PCDH15: variants seen among roughly 807,000 people sequenced by gnomAD.
The protein encoded by PCDH15 is protocadherin related 15, also known as protocadherin-15.
Under a neutral mutation model 178.5 loss-of-function variants are expected in PCDH15, and 129 were observed. That is an observed-to-expected ratio of 0.72 (90% CI 0.63 to 0.84). The LOEUF is 0.84. Among genes scored for constraint, PCDH15 ranks in the 40% least tolerant of loss-of-function variants. The probability of loss-of-function intolerance (pLI) is 0.00; values close to 1 mark genes in which losing one functional copy is unlikely to be tolerated. For missense variants in PCDH15, 2,230 were observed against 2,099.9 expected (o/e 1.06, Z -1.21); for synonymous variants, 800 against 732.0 (o/e 1.09, Z -1.50).
chr10:53,972,352 T>C (rs12572981), intron 21 of PCDH15, among the ~76,000 whole-genome samples: 107,143 of 151,984 alleles, frequency 0.7, 38,148 homozygotes, highest in East Asian at 0.87. Flanking sequence ...AAAACCTAGG[T>C]AATACCATTC....
intron 1 of PCDH15, among the ~76,000 whole-genome samples, chr10:54,794,693 G>A (rs181403188): frequency 1.3e-5 from 2 of 151,864 alleles, no homozygotes; most frequent in East Asian, 3.9e-4. Context: ...TAAATGGATG[G>A]CATATTTAAA....
At chr10:55,345,222 C>A (rs761083931) in intron 2 of PCDH15, among the ~76,000 whole-genome samples, 9 of 150,806 alleles carry the variant, frequency 6.0e-5, no homozygotes, top group African/African-American at 2.0e-4. Flanking sequence ...AAAAAGTTGT[C>A]TTTTAATCAA....
At chr10:54,599,786 A>C (rs2092439121) in intron 2 of PCDH15, 1 of 541,670 alleles carries the variant, frequency 1.8e-6, no homozygotes, top group Admixed American at 2.7e-5. Flanking sequence ...CAAGCTGAAG[A>C]GGGAGGATCT....
At chr10:55,157,136 TC>T (rs1838911735) in intron 2 of PCDH15, among the ~76,000 whole-genome samples, 2 of 152,090 alleles carry the variant, frequency 1.3e-5, no homozygotes, top group Non-Finnish European at 2.9e-5. Flanking sequence ...TATCTATCTA[TC>T]TATCTATATA....
At chr10:54,900,742 C>T (rs1223944323) in intron 2 of PCDH15, among the ~76,000 whole-genome samples, 1 of 152,110 alleles carries the variant, frequency 6.6e-6, no homozygotes, top group Admixed American at 6.6e-5. Context: ...TGAATAGGAG[C>T]ATAGTGTGGA....
At chr10:54,606,106 T>A (rs912977382) in intron 2 of PCDH15, 1 of 152,136 alleles carries the variant, frequency 6.6e-6, no homozygotes, top group Non-Finnish European at 1.5e-5. Context: ...AGACCTCAGG[T>A]AGGAGCTAGA....
chr10:55,118,479 T>C (rs896992657), intron 2 of PCDH15, among the ~76,000 whole-genome samples: 3 of 152,154 alleles, frequency 2.0e-5, no homozygotes, highest in African/African-American at 4.8e-5. Context: ...TTTGACTGTA[T>C]ATTAAAATTT....
At chr10:54,661,517 A>G (rs550847665) in intron 2 of PCDH15, among the ~76,000 whole-genome samples, 4 of 151,984 alleles carry the variant, frequency 2.6e-5, no homozygotes, top group Admixed American at 2.0e-4. Flanking sequence ...CTATCATAGT[A>G]CCAAATTTAT....
At chr10:55,046,086 GTACTAAGCA>G (rs1840996684) in intron 2 of PCDH15, among the ~76,000 whole-genome samples, 1 of 151,968 alleles carries the variant, frequency 6.6e-6, no homozygotes, top group South Asian at 2.1e-4. Flanking sequence ...TATGTACTAT[GTACTAAGCA>G]TACAGAGGGA....
intron 2 of PCDH15, among the ~76,000 whole-genome samples, chr10:54,642,548 T>C (rs1357807492): frequency 6.6e-6 from 1 of 151,104 alleles, no homozygotes; most frequent in Admixed American, 6.6e-5. Context: ...AAAGACTAAA[T>C]AATTAAATGA....
At chr10:55,325,351 G>A (rs1844002772) in intron 2 of PCDH15, among the ~76,000 whole-genome samples, 1 of 151,976 alleles carries the variant, frequency 6.6e-6, no homozygotes, top group African/African-American at 2.4e-5. Context: ...CAAATAGCAT[G>A]GTATGGTACA....
At position 55,327,625 on chromosome 10, in the gene PCDH15, TA is replaced by T. The variant is rs796310872; in HGVS notation, c.-155-160975del. 9.9e-5 allele frequency among the ~76,000 whole-genome samples: 15 copies of T among 151,980 alleles called. No homozygotes were observed. The East Asian group carries it at 2.3e-3, about 24-fold the overall frequency. On this transcript the variant is annotated intron_variant, in intron 2 of 5. Transcript: ENST00000613346. ...AAGTCAATGTAATCAATTTTCAGAG[TA>T]AAAAAAATCAGCATAATGTCTGATA...
chr10:54,403,413 C>A (rs1398110100), intron 3 of PCDH15, among the ~76,000 whole-genome samples: 4 of 151,952 alleles, frequency 2.6e-5, no homozygotes, highest in African/African-American at 9.7e-5. Context: ...CAAAAACTCT[C>A]AAAAAAGTTA....
chr10:54,555,513 C>G (rs1041505827), intron 2 of PCDH15, among the ~76,000 whole-genome samples: 2 of 151,412 alleles, frequency 1.3e-5, no homozygotes, highest in South Asian at 2.1e-4. Flanking sequence ...GGGCAGATCA[C>G]GAGCTCAGGA....
At chr10:55,464,670 A>G (rs11004876) in intron 2 of PCDH15, among the ~76,000 whole-genome samples, 20 of 145,792 alleles carry the variant, frequency 1.4e-4, no homozygotes, top group Middle Eastern at 3.3e-3. Flanking sequence ...GTGTGTGTGT[A>G]TATATATACA....
At chr10:53,945,842 T>C (rs1224748984) in intron 23 of PCDH15, among the ~76,000 whole-genome samples, 1,112 of 9,106 alleles carry the variant, frequency 0.12, 8 homozygotes, top group East Asian at 0.39. Flanking sequence ...TCATTGTATA[T>C]ATATATATAT....
chr10:53,825,414 C>T (rs1262133340), intron 32 of PCDH15, among the ~76,000 whole-genome samples: 2 of 151,380 alleles, frequency 1.3e-5, no homozygotes, highest in Non-Finnish European at 1.5e-5. Flanking sequence ...GATAAAAATT[C>T]ACTTCTATTA....
At chr10:55,169,570 G>T (rs1766709808) in intron 1 of PCDH15, among the ~76,000 whole-genome samples, 1 of 152,056 alleles carries the variant, frequency 6.6e-6, no homozygotes, top group African/African-American at 2.4e-5. Context: ...ATAAAAGCAG[G>T]TTTTATAAAA....
At chr10:54,249,327 T>G (rs1204692988) in intron 8 of PCDH15, among the ~76,000 whole-genome samples, 1 of 152,142 alleles carries the variant, frequency 6.6e-6, no homozygotes, top group Non-Finnish European at 1.5e-5. Context: ...TAAAATGATA[T>G]ATTTCCTCTT....
Sources: gnomAD v4.1 joint callset for allele counts (sites outside exome capture counted in the v4.1 genomes callset) on GRCh38, gnomAD v4.1.1 for gene constraint, MANE v1.5 for transcripts, NCBI Gene and HGNC (gene_info 2026-07-23, HGNC 2026-07-21) for gene names.